The following KCNIP1 variants were observed in gnomAD, a reference collection of about 807,000 sequenced individuals.
The protein encoded by KCNIP1 is A-type potassium channel modulatory protein KCNIP1.
Under a neutral mutation model 33.0 loss-of-function variants are expected in KCNIP1, and 18 were observed. The ratio of observed to expected loss-of-function variants is 0.55; its 90% CI spans 0.38 to 0.81. The LOEUF (loss-of-function observed/expected upper bound fraction) is 0.81. KCNIP1 is among the 30% of genes least tolerant of loss of function. The pLI is 0.00. For synonymous variants in KCNIP1, 93 were observed against 98.3 expected (o/e 0.95, Z 0.32); for missense variants, 238 against 271.6 (o/e 0.88, Z 0.87).
chr5:170,712,863 G>C (rs1763504494), intron 1 of KCNIP1: 2 of 1,613,848 alleles, frequency 1.2e-6, no homozygotes, highest in South Asian at 2.2e-5. Flanking sequence ...GACATCGCCT[G>C]GTGGTATTAC....
At chr5:170,519,721 A>T (rs752464557) in intron 1 of KCNIP1, among the ~76,000 whole-genome samples, 1 of 152,156 alleles carries the variant, frequency 6.6e-6, no homozygotes, top group Non-Finnish European at 1.5e-5. Context: ...AAATCTTGGA[A>T]CAAAGTCAAG....
chr5:170,586,174 C>G (rs1289657267), intron 1 of KCNIP1, among the ~76,000 whole-genome samples: 1 of 152,232 alleles, frequency 6.6e-6, no homozygotes, highest in Non-Finnish European at 1.5e-5. Context: ...GCCTGGTATA[C>G]AGCAGGTGTT....
chr5:170,687,008 T>A (rs1394629039), intron 1 of KCNIP1, among the ~76,000 whole-genome samples: 1 of 152,078 alleles, frequency 6.6e-6, no homozygotes, highest in African/African-American at 2.4e-5. Context: ...CCACTGGGGC[T>A]GATCCTCCCC....
At chr5:170,397,162 C>T (rs1323418321) in intron 1 of KCNIP1, among the ~76,000 whole-genome samples, 1 of 152,198 alleles carries the variant, frequency 6.6e-6, no homozygotes, top group East Asian at 1.9e-4. Flanking sequence ...ATCCCCTCCC[C>T]ATTATGGCCT....
chr5:170,411,499 G>A (rs1755188160), intron 1 of KCNIP1, among the ~76,000 whole-genome samples: 2 of 152,226 alleles, frequency 1.3e-5, no homozygotes, highest in African/African-American at 4.8e-5. Context: ...TATGGCAGTG[G>A]CTCTGTGTCA....
intron 5 of KCNIP1, among the ~76,000 whole-genome samples, chr5:170,732,048 T>C (rs567695031): frequency 1.3e-5 from 2 of 152,296 alleles, no homozygotes; most frequent in South Asian, 4.1e-4. Context: ...ATGAACTCTC[T>C]GTACTAATTT....
chr5:170,573,518 T>G (rs1360622868), intron 1 of KCNIP1, among the ~76,000 whole-genome samples: 1 of 152,180 alleles, frequency 6.6e-6, no homozygotes, highest in Non-Finnish European at 1.5e-5. Context: ...GTTGTCTGTT[T>G]TAATCACCTT....
chr5:170,435,235 T>A (rs1385526338), intron 1 of KCNIP1, among the ~76,000 whole-genome samples: 1 of 152,230 alleles, frequency 6.6e-6, no homozygotes, highest in African/African-American at 2.4e-5. Context: ...CTACAACGTG[T>A]AGCCTCTTGG....
chr5:170,503,868 GGGCTCCCGCACATACCCC>G (rs1280944354), upstream of KCNIP1, among the ~76,000 whole-genome samples: 13 of 152,004 alleles, frequency 8.6e-5, no homozygotes, highest in Admixed American at 8.5e-4. Context: ...CATGCTCCCG[GGGCTCCCGCACATACCCC>G]GGCAGATGAG....
At chr5:170,447,972 G>A (rs1489853129) in intron 1 of KCNIP1, among the ~76,000 whole-genome samples, 2 of 151,836 alleles carry the variant, frequency 1.3e-5, no homozygotes, top group African/African-American at 4.8e-5. Flanking sequence ...GGTCAGGCTT[G>A]AAGACTCTTC....
chr5:170,681,290 TG>T lies in KCNIP1; in HGVS notation c.62-37467del, dbSNP rs1762335576. The T allele has an allele frequency of 7.6e-6, 3 of 394,454 alleles. No individual in the cohort carries two copies. The Admixed American group carries it at 1.3e-4, about 17-fold the overall frequency. The allele number at this position is 394,454 out of a possible 1,614,324, so 24.4% of individuals were successfully genotyped here. The stretch of plus-strand genomic sequence containing the variant: ...AATGAGGGCGGAGACCCGAGAGATT[TG>T]AAAAAGCCGGGCTGAAACAGCGTGG... On this transcript the variant is annotated intron_variant, in intron 1 of 7. Coordinates refer to ENST00000328939, the MANE Select transcript of KCNIP1 (RefSeq NM_014592.4).
chr5:170,617,477 C>T (rs1759429429), intron 1 of KCNIP1, among the ~76,000 whole-genome samples: 1 of 152,140 alleles, frequency 6.6e-6, no homozygotes, highest in Non-Finnish European at 1.5e-5. Flanking sequence ...AGGGACCTCA[C>T]CCTCCAGACT....
At position 170,451,723 on chromosome 5, in the gene KCNIP1, T is replaced by TGTGTG. The variant is rs1756255311; in HGVS notation, c.88+97759_88+97760insGTGTG. ...GACAGTTGCTTCAGCTTCTCCTGCA[T>TGTGTG]TGTGTGTGTGTGTGTGTGTGTGTGT... On this transcript the variant is annotated intron_variant, in intron 1 of 7. Transcript: ENST00000377360. Among the ~76,000 whole-genome samples the TGTGTG allele has an allele frequency of 3.4e-3, 418 of 122,968 alleles. 2 individuals carry two copies. The highest frequency in any genetic ancestry group is 6.7e-3 in the Admixed American group (82 of 12,238). The allele number at this position is 122,968 out of a possible 152,430, so 80.7% of individuals were successfully genotyped here.
At chr5:170,575,988 C>A (rs1372951860) in intron 1 of KCNIP1, among the ~76,000 whole-genome samples, 1 of 152,186 alleles carries the variant, frequency 6.6e-6, no homozygotes, top group Non-Finnish European at 1.5e-5. Flanking sequence ...TAACAAATCA[C>A]CCCAAACGCA....
intron 1 of KCNIP1, among the ~76,000 whole-genome samples, chr5:170,386,012 G>A (rs149081292): frequency 0.022 from 3,332 of 151,824 alleles, 124 homozygotes; most frequent in African/African-American, 0.075. Flanking sequence ...AGTAGTCCCA[G>A]CTACAGGGGA....
At chr5:170,491,600 C>T (rs1757208274) in intron 1 of KCNIP1, among the ~76,000 whole-genome samples, 2 of 152,172 alleles carry the variant, frequency 1.3e-5, no homozygotes, top group African/African-American at 2.4e-5. Context: ...GTGGTTTAAG[C>T]TTCATGTGAT....
chr5:170,699,840 C>T lies in KCNIP1; in HGVS notation c.62-18918C>T, dbSNP rs1372139997. Among the ~76,000 whole-genome samples the T allele has an allele frequency of 2.0e-5, 3 of 152,274 alleles. No homozygotes were observed. In the East Asian group the frequency reaches 5.8e-4, roughly 29 times the overall value. ...TCACAGGCCCTCGATTGCCATGAGT[C>T]AGCAAGGAGAGGAAGGACACGAAGC... On this transcript the variant is annotated intron_variant, in intron 1 of 7. Transcript: ENST00000328939.
intron 1 of KCNIP1, among the ~76,000 whole-genome samples, chr5:170,583,557 T>C (rs1172893499): frequency 2.6e-5 from 4 of 152,228 alleles, no homozygotes; most frequent in Admixed American, 2.6e-4. Flanking sequence ...GGTTTAGAGA[T>C]GCTTTAGCTA....
chr5:170,521,890 C>T (rs879468066), intron 1 of KCNIP1, among the ~76,000 whole-genome samples: 7 of 152,192 alleles, frequency 4.6e-5, no homozygotes, highest in Non-Finnish European at 1.0e-4. Flanking sequence ...AGCCTTCTTC[C>T]ATGTAGTCAC....
Sources: gnomAD v4.1 joint callset for allele counts (sites outside exome capture counted in the v4.1 genomes callset) on GRCh38, gnomAD v4.1.1 for gene constraint, MANE v1.5 for transcripts, NCBI Gene and HGNC (gene_info 2026-07-23, HGNC 2026-07-21) for gene names.